Variants in BNC2 observed in about 807,000 individuals in gnomAD.
BNC2 encodes basonuclin zinc finger protein 2.
BNC2 carries 20 observed loss-of-function variants against 76.3 expected under a neutral mutation model. The observed-to-expected ratio is 0.26, with a 90% CI of 0.18 to 0.38. The LOEUF (loss-of-function observed/expected upper bound fraction) is 0.38, where lower values mean the gene tolerates loss of function less well. Ranked by LOEUF, BNC2 falls within the 10% of genes least tolerant of loss-of-function variation. The pLI, the probability that BNC2 is intolerant of heterozygous loss-of-function variation, is 1.00. For missense variants in BNC2, 1,382 were observed against 1,399.8 expected (o/e 0.99, Z 0.20); for synonymous variants, 582 against 514.8 (o/e 1.13, Z -1.77).
At chr9:16,429,330 T>C (rs946981718) in intron 6 of BNC2, 7 of 152,364 alleles carry the variant, frequency 4.6e-5, no homozygotes, top group African/African-American at 1.7e-4. Flanking sequence ...TTAACGTACA[T>C]GTACAGTCTT....
rs201648557 is a variant in BNC2 at position 16,413,188 on chromosome 9, G to T, written c.*5801C>A. The T allele has an allele frequency of 1.6e-5, 2 of 125,642 alleles. No homozygotes were observed. Among genetic ancestry groups the T allele is most frequent in the South Asian group, 2.9e-4 (1 of 3,396 alleles). 7.8% of individuals were successfully genotyped at this position (125,642 alleles called of 1,614,324 possible). A position where few individuals can be genotyped will look rare whatever the true frequency, so the allele number is the denominator to read the frequency against. On this transcript the variant is annotated 3_prime_UTR_variant, in exon 7 of 7. Transcript: ENST00000380672. ...TGGTCTTCATATCCTATATAAAAAA[G>T]ATTTTTTTTTTTCCTGCAGTAAAGG...
At chr9:16,827,439 T>G (rs1407085969) in intron 1 of BNC2, among the ~76,000 whole-genome samples, 1 of 152,148 alleles carries the variant, frequency 6.6e-6, no homozygotes, top group African/African-American at 2.4e-5. Context: ...AAAGAGGTAT[T>G]GTACTGATGG....
At chr9:16,679,539 A>T (rs1822760682) in intron 3 of BNC2, among the ~76,000 whole-genome samples, 2 of 152,206 alleles carry the variant, frequency 1.3e-5, no homozygotes, top group Admixed American at 6.5e-5. Flanking sequence ...TGATGGTTTA[A>T]ATTATTTCAT....
At chr9:16,603,313 G>A (rs1322214514) in intron 3 of BNC2, among the ~76,000 whole-genome samples, 1 of 152,154 alleles carries the variant, frequency 6.6e-6, no homozygotes, top group Non-Finnish European at 1.5e-5. Flanking sequence ...CAGGTAGAAT[G>A]CTAATGTTAT....
chr9:16,465,866 A>T (rs914792535), intron 5 of BNC2, among the ~76,000 whole-genome samples: 1 of 151,734 alleles, frequency 6.6e-6, no homozygotes, highest in South Asian at 2.1e-4. Context: ...AGGGTATTCA[A>T]TTAGGAAAAG....
intron 6 of BNC2, among the ~76,000 whole-genome samples, chr9:16,421,465 G>C (rs909433349): frequency 6.6e-6 from 1 of 152,130 alleles, no homozygotes; most frequent in African/African-American, 2.4e-5. Flanking sequence ...TGTCATAAGC[G>C]ATCATCCCAT....
At chr9:16,850,856 A>G (rs1819111264) in intron 1 of BNC2, among the ~76,000 whole-genome samples, 1 of 152,176 alleles carries the variant, frequency 6.6e-6, no homozygotes, top group Non-Finnish European at 1.5e-5. Context: ...ACACCCACCA[A>G]GTAAGTTAAC....
intron 5 of BNC2, among the ~76,000 whole-genome samples, chr9:16,526,848 AC>A (rs1336363514): frequency 2.0e-5 from 3 of 152,220 alleles, no homozygotes; most frequent in African/African-American, 7.2e-5. Context: ...GAAAAAACTT[AC>A]AATCCAGTAG....
At chr9:16,761,012 G>T (rs922716434) in intron 1 of BNC2, among the ~76,000 whole-genome samples, 2 of 152,084 alleles carry the variant, frequency 1.3e-5, no homozygotes, top group Non-Finnish European at 2.9e-5. Flanking sequence ...GGAGGCTAAG[G>T]CAGGAGGATT....
At chr9:16,434,124 G>C (rs551914323) in intron 6 of BNC2, among the ~76,000 whole-genome samples, 51 of 152,044 alleles carry the variant, frequency 3.4e-4, no homozygotes, top group African/African-American at 1.2e-3. Context: ...TTAAAAAAAT[G>C]GTTTCTCCTC....
intron 3 of BNC2, among the ~76,000 whole-genome samples, chr9:16,587,138 C>A (rs1049182170): frequency 1.3e-5 from 2 of 150,956 alleles, no homozygotes; most frequent in South Asian, 4.2e-4. Context: ...TAAAGTCAAT[C>A]AACTAGTAAA....
intron 6 of BNC2, among the ~76,000 whole-genome samples, chr9:16,428,577 A>T (rs1266859639): frequency 6.6e-6 from 1 of 152,248 alleles, no homozygotes; most frequent in Non-Finnish European, 1.5e-5. Flanking sequence ...CATTAGCACA[A>T]TTTTTGAGTG....
rs76454412 is a variant in BNC2, at chr9:16,422,307, C to G, written c.2640-2658G>C. Among the ~76,000 whole-genome samples the G allele has an allele frequency of 3.1e-3, 477 of 152,292 alleles. 10 individuals carry two copies. Among genetic ancestry groups the G allele is most frequent in the Admixed American group, 0.025 (390 of 15,296 alleles). ...TGTCCCTTTTCCGCTGTCAGCAGTACTGTTGGCCTCTGCTAATATAATTAC... is the reference window on the plus strand; with the variant it reads ...TGTCCCTTTTCCGCTGTCAGCAGTAGTGTTGGCCTCTGCTAATATAATTAC... On this transcript the variant is annotated intron_variant, in intron 6 of 6. Transcript: ENST00000380672.
intron 3 of BNC2, among the ~76,000 whole-genome samples, chr9:16,661,282 T>C (rs1822104323): frequency 1.3e-5 from 2 of 152,170 alleles, no homozygotes; most frequent in South Asian, 2.1e-4. Flanking sequence ...CTATAGCTAG[T>C]CCTTATTAAC....
At chr9:16,862,146 T>G (rs973218185) in intron 1 of BNC2, among the ~76,000 whole-genome samples, 1 of 152,174 alleles carries the variant, frequency 6.6e-6, no homozygotes, top group Non-Finnish European at 1.5e-5. Context: ...GGCCATACTA[T>G]CCAACAATTC....
chr9:16,673,557 G>T (rs1822548499), intron 3 of BNC2, among the ~76,000 whole-genome samples: 1 of 151,984 alleles, frequency 6.6e-6, no homozygotes, highest in Non-Finnish European at 1.5e-5. Flanking sequence ...AAGATCTGCA[G>T]GATCAGGCCT....
chr9:16,626,223 G>A (rs1418557377), intron 3 of BNC2: 1 of 152,068 alleles, frequency 6.6e-6, no homozygotes, highest in Non-Finnish European at 1.5e-5. Flanking sequence ...AATTCAACAA[G>A]GCAACCACAC....
chr9:16,800,257 G>C (rs1163557128), intron 1 of BNC2, among the ~76,000 whole-genome samples: 1 of 151,354 alleles, frequency 6.6e-6, no homozygotes, highest in African/African-American at 2.4e-5. Context: ...TATGTAGAAA[G>C]GGGTGGCATG....
At chr9:16,558,876 G>A (rs1223813888) in intron 4 of BNC2, among the ~76,000 whole-genome samples, 1 of 150,516 alleles carries the variant, frequency 6.6e-6, no homozygotes, top group African/African-American at 2.5e-5. Flanking sequence ...AGAGGTTGCA[G>A]TGAGCTGAGA....
Sources: allele counts gnomAD v4.1 joint callset (sites outside exome capture counted in the v4.1 genomes callset), GRCh38; gene constraint gnomAD v4.1.1; transcripts MANE v1.5; gene names NCBI Gene and HGNC (gene_info 2026-07-23, HGNC 2026-07-21).